ETV6: variants seen among roughly 807,000 people sequenced by gnomAD.
The protein encoded by ETV6 is transcription factor ETV6.
In ETV6, 16 loss-of-function variants were observed where a neutral mutation model predicts 51.1. The observed-to-expected ratio is 0.31, with a 90% CI of 0.21 to 0.48. The LOEUF (loss-of-function observed/expected upper bound fraction) is 0.48, where lower values mean the gene tolerates loss of function less well. Among genes scored for constraint, ETV6 ranks in the 20% least tolerant of loss-of-function variants. The pLI is 0.99. For missense variants in ETV6, 458 were observed against 594.8 expected (o/e 0.77, Z 2.39); for synonymous variants, 240 against 224.1 (o/e 1.07, Z -0.64).
intron 3 of ETV6, among the ~76,000 whole-genome samples, chr12:11,844,106 A>T (rs376670849): frequency 7.2e-5 from 11 of 152,040 alleles, no homozygotes; most frequent in African/African-American, 2.7e-4. Flanking sequence ...CTGAGAAAAC[A>T]CATTGACAGG....
At chr12:11,685,685 C>T (rs772764975) in intron 1 of ETV6, among the ~76,000 whole-genome samples, 144 of 152,108 alleles carry the variant, frequency 9.5e-4, no homozygotes, top group Admixed American at 1.5e-3. Context: ...AAGATGATCT[C>T]GATCAAGTTT....
chr12:11,701,918 G>T (rs1864991029), intron 1 of ETV6, among the ~76,000 whole-genome samples: 1 of 152,182 alleles, frequency 6.6e-6, no homozygotes, highest in South Asian at 2.1e-4. Context: ...CCTGAGCTAA[G>T]GCAAGTGGAA....
chr12:11,790,922 C>T (rs1945577228), intron 2 of ETV6, among the ~76,000 whole-genome samples: 1 of 152,092 alleles, frequency 6.6e-6, no homozygotes, highest in Admixed American at 6.5e-5. Context: ...CTCAAGTGAT[C>T]TGCCCACCTT....
chr12:11,822,888 T>C (rs1344150340), intron 2 of ETV6, among the ~76,000 whole-genome samples: 1 of 152,194 alleles, frequency 6.6e-6, no homozygotes, highest in East Asian at 1.9e-4. Flanking sequence ...AGCTCAATAA[T>C]TCAGCTTGAG....
chr12:11,809,245 A>G (rs892795836), intron 2 of ETV6, among the ~76,000 whole-genome samples: 14 of 151,992 alleles, frequency 9.2e-5, no homozygotes, highest in African/African-American at 3.4e-4. Flanking sequence ...AAAGGATAAG[A>G]AGGAGGAAGA....
intron 1 of ETV6, among the ~76,000 whole-genome samples, chr12:11,701,325 C>T (rs1565491317): frequency 6.6e-6 from 1 of 152,154 alleles, no homozygotes; most frequent in Non-Finnish European, 1.5e-5. Context: ...CAGGGGTCTT[C>T]TTCCTGTTTG....
At chr12:11,651,284 TTTTCTTC>T (rs1183621267) in intron 1 of ETV6, among the ~76,000 whole-genome samples, 8 of 152,204 alleles carry the variant, frequency 5.3e-5, no homozygotes, top group Non-Finnish European at 8.8e-5. Context: ...AAATAACCTG[TTTTCTTC>T]GTCTGTGGGG....
At chr12:11,716,788 T>C (rs1290953357) in intron 1 of ETV6, 1 of 152,230 alleles carries the variant, frequency 6.6e-6, no homozygotes, top group Non-Finnish European at 1.5e-5. Flanking sequence ...GTTGAGCTTA[T>C]TGTATCCCAG....
At chr12:11,758,140 G>A (rs1046444232) in intron 2 of ETV6, among the ~76,000 whole-genome samples, 1 of 152,154 alleles carries the variant, frequency 6.6e-6, no homozygotes, top group African/African-American at 2.4e-5. Flanking sequence ...GTAATAGAAA[G>A]GGCTTGGGTC....
Position 11,895,169 on chromosome 12 carries a change from C to G in ETV6, c.*4123C>G, listed in dbSNP as rs1947373597. On this transcript the variant is annotated 3_prime_UTR_variant, in exon 8 of 8. Transcript: ENST00000396373. Reference sequence around the variant, plus strand: ...GATTTCTCTTTGTGACCGCAACCACCTGCAAACCAGAACGACTCTAGAATT... The same window carrying G: ...GATTTCTCTTTGTGACCGCAACCACGTGCAAACCAGAACGACTCTAGAATT... 1 of 229,688 alleles carries G rather than the reference C, an allele frequency of 4.4e-6. No individual in the cohort carries two copies. Among genetic ancestry groups the G allele is most frequent in the Non-Finnish European group, 8.7e-6 (1 of 115,604 alleles). The allele number at this position is 229,688 out of a possible 1,614,324, so 14.2% of individuals were successfully genotyped here. A position where few individuals can be genotyped will look rare whatever the true frequency, so the allele number is the denominator to read the frequency against.
At chr12:11,723,880 C>T (rs1865439602) in intron 1 of ETV6, among the ~76,000 whole-genome samples, 1 of 152,016 alleles carries the variant, frequency 6.6e-6, no homozygotes, top group South Asian at 2.1e-4. Context: ...TGGGACAAGG[C>T]CAGGTGTCAT....
chr12:11,891,545 C>T lies in ETV6; in HGVS notation c.*499C>T, dbSNP rs1201228983. Reference sequence around the variant, plus strand: ...AATACTTGCAGAGGGGTTCAGGTTCCTCTTTTTCCTGCCACGTGGATCAGG... The same window carrying T: ...AATACTTGCAGAGGGGTTCAGGTTCTTCTTTTTCCTGCCACGTGGATCAGG... On this transcript the variant is annotated 3_prime_UTR_variant, in exon 8 of 8. Coordinates refer to ENST00000396373, the MANE Select transcript of ETV6 (RefSeq NM_001987.5). 7.5e-6 allele frequency: 4 copies of T among 535,150 alleles called. No homozygotes were observed. The highest frequency in any genetic ancestry group is 2.2e-5 in the Admixed American group (1 of 44,862). The allele number at this position is 535,150 out of a possible 1,614,324, so 33.2% of individuals were successfully genotyped here. A position where few individuals can be genotyped will look rare whatever the true frequency, so the allele number is the denominator to read the frequency against.
intron 1 of ETV6, among the ~76,000 whole-genome samples, chr12:11,683,340 G>A (rs1347050831): frequency 6.6e-6 from 1 of 152,166 alleles, no homozygotes; most frequent in Non-Finnish European, 1.5e-5. Flanking sequence ...TACTGAGCCA[G>A]GCCATGTTTG....
chr12:11,762,514 C>T (rs1250355194), intron 2 of ETV6, among the ~76,000 whole-genome samples: 5 of 152,164 alleles, frequency 3.3e-5, no homozygotes, highest in Non-Finnish European at 1.5e-5. Context: ...CTCCCTTAGC[C>T]GGCTCCGTAG....
rs571216693 is a variant in ETV6 at position 11,748,882 on chromosome 12, T to G, written c.34-3568T>G. Reference sequence around the variant, plus strand: ...TTCAAGAGACAACCCTACTCCATACTTCATTATTTTTTTTAAAGCTTTCTA... The same window carrying G: ...TTCAAGAGACAACCCTACTCCATACGTCATTATTTTTTTTAAAGCTTTCTA... On this transcript the variant is annotated intron_variant, in intron 1 of 7. Transcript: ENST00000396373. Among the ~76,000 whole-genome samples, 355 of 151,994 alleles carry G rather than the reference T, an allele frequency of 2.3e-3. 3 individuals carry two copies. The highest frequency in any genetic ancestry group is 0.014 in the Middle Eastern group (4 of 294).
At position 11,893,265 on chromosome 12, in the gene ETV6, A is replaced by AAATC. The variant is rs1947323170; in HGVS notation, c.*2221_*2224dup. ...TACTGCATCCCTCTGTATGAATATG[A>AAATC]AATCAGAGACCAGGGCATGATGTTG... On this transcript the variant is annotated 3_prime_UTR_variant, in exon 8 of 8. Transcript: ENST00000396373. The AAATC allele has an allele frequency of 8.6e-6, 2 of 232,708 alleles. No homozygotes were observed. The highest frequency in any genetic ancestry group is 1.2e-4 in the East Asian group (2 of 16,480). 14.4% of individuals were successfully genotyped at this position (232,708 alleles called of 1,614,324 possible). A position where few individuals can be genotyped will look rare whatever the true frequency, so the allele number is the denominator to read the frequency against.
At chr12:11,667,826 C>A (rs1174075752) in intron 1 of ETV6, among the ~76,000 whole-genome samples, 1 of 151,674 alleles carries the variant, frequency 6.6e-6, no homozygotes, top group African/African-American at 2.4e-5. Flanking sequence ...CTCGGCCTCC[C>A]GTGTAGCTGG....
At position 11,795,583 on chromosome 12, in the gene ETV6, C is replaced by T. The variant is rs534173321; in HGVS notation, c.163+43004C>T. Among the ~76,000 whole-genome samples, 13 of 152,360 alleles carry T rather than the reference C, an allele frequency of 8.5e-5. No homozygotes were observed. In the East Asian group the frequency reaches 2.5e-3, roughly 29 times the overall value. ...TGCAGTCTTTGGAAGTTCAGCTTGT[C>T]ACTTACTGGCGTGCCCTCCAGGGCT... On this transcript the variant is annotated intron_variant, in intron 2 of 7. Transcript: ENST00000396373.
chr12:11,691,577 A>G (rs1284645505), intron 1 of ETV6, among the ~76,000 whole-genome samples: 2 of 152,252 alleles, frequency 1.3e-5, no homozygotes, highest in East Asian at 3.8e-4. Flanking sequence ...TCAACTTTAT[A>G]AAAAGGATAT....
Sources: gnomAD v4.1 joint callset for allele counts (sites outside exome capture counted in the v4.1 genomes callset) on GRCh38, gnomAD v4.1.1 for gene constraint, MANE v1.5 for transcripts, NCBI Gene and HGNC (gene_info 2026-07-23, HGNC 2026-07-21) for gene names.